Variants in CDYL observed in about 807,000 individuals in gnomAD.
CDYL encodes chromodomain Y like.
A neutral mutation model predicts 47.3 loss-of-function variants in CDYL; 8 were observed. The observed-to-expected ratio is 0.17, with a 90% confidence interval of 0.10 to 0.31. The LOEUF (loss-of-function observed/expected upper bound fraction) is 0.31. CDYL is among the 10% of genes least tolerant of loss of function. The pLI, the probability that CDYL is intolerant of heterozygous loss-of-function variation, is 1.00. For synonymous variants in CDYL, 266 were observed against 265.0 expected (o/e 1.00, Z -0.04); for missense variants, 471 against 701.4 (o/e 0.67, Z 3.71).
chr6:4,907,740 A>G (rs1026839348), intron 2 of CDYL, among the ~76,000 whole-genome samples: 4 of 152,168 alleles, frequency 2.6e-5, no homozygotes, highest in Admixed American at 2.6e-4. Context: ...CAAAATTACT[A>G]TATAGTTTTT....
At chr6:4,890,476 T>C (rs1762012324) in intron 1 of CDYL, among the ~76,000 whole-genome samples, 1 of 152,222 alleles carries the variant, frequency 6.6e-6, no homozygotes, top group Non-Finnish European at 1.5e-5. Context: ...TCCTTTTTTC[T>C]CAGAAGCAAT....
chr6:4,726,034 G>A (rs1227006482), intron 2 of CDYL, among the ~76,000 whole-genome samples: 2 of 152,076 alleles, frequency 1.3e-5, no homozygotes, highest in Non-Finnish European at 2.9e-5. Flanking sequence ...GAACATCACA[G>A]GAAATCATCA....
At chr6:4,724,717 G>C (rs777842142) in intron 2 of CDYL, 3 of 152,236 alleles carry the variant, frequency 2.0e-5, no homozygotes, top group South Asian at 4.1e-4. Context: ...CGTTCCTCTC[G>C]TTGGGTTCGT....
At chr6:4,727,319 G>A (rs1757531877) in intron 2 of CDYL, among the ~76,000 whole-genome samples, 2 of 152,162 alleles carry the variant, frequency 1.3e-5, no homozygotes, top group African/African-American at 2.4e-5. Flanking sequence ...AGGAAGAAGG[G>A]TAGGAAGCTC....
chr6:4,867,772 G>GTTT (rs36074293), intron 1 of CDYL, among the ~76,000 whole-genome samples: 37 of 132,076 alleles, frequency 2.8e-4, no homozygotes, highest in African/African-American at 8.6e-4. Context: ...TTGTTGTGGG[G>GTTT]TTTTTTTTTT....
intron 1 of CDYL, among the ~76,000 whole-genome samples, chr6:4,715,288 C>T (rs147696013): frequency 2.8e-4 from 40 of 141,706 alleles, no homozygotes; most frequent in Non-Finnish European, 1.4e-4. Flanking sequence ...GGACAAGACG[C>T]GCCTCCTTGT....
At chr6:4,820,617 C>G (rs78277057) in intron 1 of CDYL, among the ~76,000 whole-genome samples, 1 of 152,178 alleles carries the variant, frequency 6.6e-6, no homozygotes, top group Non-Finnish European at 1.5e-5. Context: ...GTTATGTTCT[C>G]CCCCACCAGA....
chr6:4,729,843 G>C (rs1757574501), intron 2 of CDYL, among the ~76,000 whole-genome samples: 1 of 152,076 alleles, frequency 6.6e-6, no homozygotes, highest in South Asian at 2.1e-4. Context: ...ACTTGGGCCT[G>C]GGAAGTGGAG....
At chr6:4,761,062 C>G (rs971915592) in intron 3 of CDYL, among the ~76,000 whole-genome samples, 2 of 152,170 alleles carry the variant, frequency 1.3e-5, no homozygotes, top group African/African-American at 4.8e-5. Flanking sequence ...CTCTAAGACT[C>G]TCTTTTATAG....
At chr6:4,832,698 T>C (rs1760182337) in intron 1 of CDYL, among the ~76,000 whole-genome samples, 1 of 149,058 alleles carries the variant, frequency 6.7e-6, no homozygotes, top group South Asian at 2.1e-4. Context: ...TGTGAATCCA[T>C]CTGGTCCTGG....
intron 1 of CDYL, among the ~76,000 whole-genome samples, chr6:4,839,547 T>A (rs1760426285): frequency 6.6e-6 from 1 of 152,224 alleles, no homozygotes; most frequent in Non-Finnish European, 1.5e-5. Context: ...ATTTTTATGG[T>A]TTCAGTCTTA....
intron 1 of CDYL, among the ~76,000 whole-genome samples, chr6:4,831,989 G>A (rs1350131305): frequency 2.0e-5 from 3 of 151,974 alleles, no homozygotes; most frequent in African/African-American, 4.8e-5. Flanking sequence ...AGATGATGGG[G>A]TTTTCTAGAT....
intron 1 of CDYL, among the ~76,000 whole-genome samples, chr6:4,798,784 T>C (rs1274487179): frequency 1.3e-5 from 2 of 152,326 alleles, no homozygotes; most frequent in East Asian, 3.9e-4. Flanking sequence ...GTGAAGCTAT[T>C]GGGGACTAAG....
intron 1 of CDYL, among the ~76,000 whole-genome samples, chr6:4,840,575 T>G (rs1760458027): frequency 6.6e-6 from 1 of 152,166 alleles, no homozygotes; most frequent in East Asian, 1.9e-4. Flanking sequence ...ATGTCCCTTC[T>G]ATGCTGATTT....
rs146519095 is a variant in CDYL, at chr6:4,784,526, C to G, written c.24+7719C>G. Among the ~76,000 whole-genome samples, 80 of 152,268 alleles carry G rather than the reference C, an allele frequency of 5.3e-4. No individual in the cohort carries two copies. The East Asian group carries it at 0.012, about 22-fold the overall frequency. ...ATTGAAAATGCAAAACAGTAGTTTTCAAGAGGACTGTTTATGAAAATGGAT... is the reference window on the plus strand; with the variant it reads ...ATTGAAAATGCAAAACAGTAGTTTTGAAGAGGACTGTTTATGAAAATGGAT... On this transcript the variant is annotated intron_variant, in intron 1 of 6. Transcript: ENST00000397588.
chr6:4,762,555 A>C (rs1463284834), intron 3 of CDYL, among the ~76,000 whole-genome samples: 1 of 151,818 alleles, frequency 6.6e-6, no homozygotes, highest in East Asian at 1.9e-4. Context: ...AGATTAAAAA[A>C]AAATCCAACA....
intron 1 of CDYL, among the ~76,000 whole-genome samples, chr6:4,846,721 A>G (rs928456830): frequency 6.6e-6 from 1 of 152,210 alleles, no homozygotes; most frequent in Non-Finnish European, 1.5e-5. Flanking sequence ...TAGGTTATTT[A>G]TTAAACTCAA....
chr6:4,827,816 A>C (rs923804154), intron 1 of CDYL, among the ~76,000 whole-genome samples: 2 of 151,816 alleles, frequency 1.3e-5, no homozygotes, highest in Non-Finnish European at 2.9e-5. Flanking sequence ...CACCACGCCT[A>C]GCTAATTTTT....
intron 1 of CDYL, among the ~76,000 whole-genome samples, chr6:4,807,439 A>G (rs1455887475): frequency 6.6e-6 from 1 of 151,900 alleles, no homozygotes; most frequent in African/African-American, 2.4e-5. Flanking sequence ...TTGAACTTTT[A>G]CCCATCTTTA....
Sources: allele counts gnomAD v4.1 joint callset (sites outside exome capture counted in the v4.1 genomes callset), GRCh38; gene constraint gnomAD v4.1.1; transcripts MANE v1.5; gene names NCBI Gene and HGNC (gene_info 2026-07-23, HGNC 2026-07-21).